Variants in STK24 observed in about 807,000 individuals in gnomAD.
The protein encoded by STK24 is serine/threonine kinase 24.
STK24 carries 21 observed loss-of-function variants against 55.6 expected under a neutral mutation model. The observed-to-expected ratio is 0.38, with a 90% CI of 0.27 to 0.54. The LOEUF is 0.54. Ranked by LOEUF, STK24 falls within the 20% of genes least tolerant of loss-of-function variation. The pLI is 0.79. For synonymous variants in STK24, 200 were observed against 215.2 expected (o/e 0.93, Z 0.62); for missense variants, 383 against 538.4 (o/e 0.71, Z 2.86).
chr13:98,537,248 C>G lies in STK24; in HGVS notation c.43-17775G>C, dbSNP rs560470992. Among the ~76,000 whole-genome samples, 4 of 152,328 alleles carry G rather than the reference C, an allele frequency of 2.6e-5. No homozygotes were observed. In the East Asian group the frequency reaches 7.7e-4, roughly 29 times the overall value. ...CATCAGGCAGTCCTCCTGGGTGAGG[C>G]TGCTGGGATGGCTAAGGACACCTGT... On this transcript the variant is annotated intron_variant, in intron 1 of 10. Coordinates refer to ENST00000539966, the MANE Select transcript of STK24 (RefSeq NM_001032296.4).
At chr13:98,569,419 A>C (rs561808486) in intron 1 of STK24, among the ~76,000 whole-genome samples, 17 of 143,712 alleles carry the variant, frequency 1.2e-4, no homozygotes, top group Admixed American at 7.5e-4. Flanking sequence ...GAGACAAAAA[A>C]AAAAAAACAA....
At chr13:98,576,178 G>A in intron 1 of STK24, 1 of 985,382 alleles carries the variant, frequency 1.0e-6, no homozygotes, top group Non-Finnish European at 1.2e-6. Context: ...TCCGGGCAAA[G>A]CCACTGCAAG....
intron 1 of STK24, among the ~76,000 whole-genome samples, chr13:98,544,898 G>A (rs188930884): frequency 1.3e-5 from 2 of 152,082 alleles, no homozygotes; most frequent in Non-Finnish European, 2.9e-5. Context: ...GCAGCAAAAA[G>A]TAGAAAACAA....
Position 98,448,118 on chromosome 13 carries a change from T to G in STK24, c.*5055A>C. ...CTGTTCCCTTGCTCTTCTGCTGAAGTGGCAGATTACCAACCAGGCGGCCTG... is the reference window on the plus strand; with the variant it reads ...CTGTTCCCTTGCTCTTCTGCTGAAGGGGCAGATTACCAACCAGGCGGCCTG... On this transcript the variant is annotated 3_prime_UTR_variant, in exon 11 of 11. Transcript: ENST00000539966. The G allele has an allele frequency of 1.2e-6, 1 of 805,406 alleles. No individual in the cohort carries two copies. Among genetic ancestry groups the G allele is most frequent in the Non-Finnish European group, 2.1e-6 (1 of 465,362 alleles). 49.9% of individuals were successfully genotyped at this position (805,406 alleles called of 1,614,324 possible). A position where few individuals can be genotyped will look rare whatever the true frequency, so the allele number is the denominator to read the frequency against.
At chr13:98,537,735 G>C (rs995165665) in intron 1 of STK24, among the ~76,000 whole-genome samples, 2 of 152,138 alleles carry the variant, frequency 1.3e-5, no homozygotes, top group Non-Finnish European at 2.9e-5. Flanking sequence ...TCAGTGTAGT[G>C]CAGGGGCTGA....
chr13:98,478,916 A>G lies in STK24; in HGVS notation c.330+3349T>C, dbSNP rs1268329012. On this transcript the variant is annotated intron_variant, in intron 3 of 10. Coordinates refer to ENST00000539966, the MANE Select transcript of STK24 (RefSeq NM_001032296.4). ...CCTCGCCTGCATTGTTTTCCTTGTAAGGAAGGAACCTTCTAACAAACGGTG... is the reference window on the plus strand; with the variant it reads ...CCTCGCCTGCATTGTTTTCCTTGTAGGGAAGGAACCTTCTAACAAACGGTG... Among the ~76,000 whole-genome samples, 4 of 152,090 alleles carry G rather than the reference A, an allele frequency of 2.6e-5. No individual in the cohort carries two copies. The East Asian group carries it at 7.7e-4, about 29-fold the overall frequency.
chr13:98,520,171 G>A (rs532041204), intron 1 of STK24, among the ~76,000 whole-genome samples: 180 of 140,548 alleles, frequency 1.3e-3, no homozygotes, highest in African/African-American at 3.8e-3. Flanking sequence ...CAGCTACACA[G>A]TACAGAGTCG....
intron 1 of STK24, among the ~76,000 whole-genome samples, chr13:98,538,159 T>A (rs1439510743): frequency 6.6e-6 from 1 of 151,088 alleles, no homozygotes; most frequent in Non-Finnish European, 1.5e-5. Context: ...ATGCTAAGCT[T>A]CAGGTTTTAG....
Position 98,471,428 on chromosome 13 carries a change from A to T in STK24, c.597+3393T>A, listed in dbSNP as rs375439651. ...GTTCTTCAGCCCAAGACCTTTCTCT[A>T]GTGTTGAAACCGGAGGCTTCTTCGC... On this transcript the variant is annotated intron_variant, in intron 5 of 10. Coordinates refer to ENST00000539966, the MANE Select transcript of STK24 (RefSeq NM_001032296.4). Among the ~76,000 whole-genome samples the T allele has an allele frequency of 3.9e-5, 6 of 152,210 alleles. No homozygotes were observed. In the South Asian group the frequency reaches 1.2e-3, roughly 31 times the overall value.
At position 98,446,916 on chromosome 13, in the gene STK24, C is replaced by A. The variant is rs1358715042; in HGVS notation, c.*6257G>T. 4.6e-6 allele frequency: 6 copies of A among 1,303,238 alleles called. No homozygotes were observed. In the African/African-American group the frequency reaches 7.3e-5, roughly 16 times the overall value. The allele number at this position is 1,303,238 out of a possible 1,614,324, so 80.7% of individuals were successfully genotyped here. A position where few individuals can be genotyped will look rare whatever the true frequency, so the allele number is the denominator to read the frequency against. On this transcript the variant is annotated 3_prime_UTR_variant, in exon 11 of 11. Coordinates refer to ENST00000539966, the MANE Select transcript of STK24 (RefSeq NM_001032296.4). The stretch of plus-strand genomic sequence containing the variant: ...AGTCAGCGAGTGAGATGGCCCCACC[C>A]TTCCCTGCCAACTAAGCGTTTAGAC...
intron 1 of STK24, among the ~76,000 whole-genome samples, chr13:98,569,513 G>T (rs1160879186): frequency 6.6e-6 from 1 of 152,110 alleles, no homozygotes; most frequent in Admixed American, 6.5e-5. Flanking sequence ...GAGGATGGGG[G>T]TGGCACAAGA....
chr13:98,516,872 C>T (rs748799563), intron 2 of STK24, among the ~76,000 whole-genome samples: 3 of 152,134 alleles, frequency 2.0e-5, no homozygotes, highest in African/African-American at 4.8e-5. Flanking sequence ...AACAAAATAC[C>T]GGGGCAACCT....
chr13:98,461,665 A>T, intron 8 of STK24, 109 bp downstream of exon 8: 1 of 1,479,804 alleles, frequency 6.8e-7, no homozygotes, highest in Non-Finnish European at 9.3e-7. Context: ...ATTCCAGGAC[A>T]GCTGCCACAA....
At chr13:98,570,862 T>A (rs1897720301) in intron 1 of STK24, among the ~76,000 whole-genome samples, 2 of 152,198 alleles carry the variant, frequency 1.3e-5, no homozygotes, top group South Asian at 4.1e-4. Flanking sequence ...GGGAAATGAC[T>A]GCTACAAACT....
chr13:98,552,656 T>C lies in STK24; in HGVS notation c.42+24089A>G, dbSNP rs371362401. On this transcript the variant is annotated intron_variant, in intron 1 of 10. Coordinates refer to ENST00000539966, the MANE Select transcript of STK24 (RefSeq NM_001032296.4). ...GTCCAGGGTGGCTACCGAGGGCGCC[T>C]TGAGAACCCCAAGGGCAGGCAGCTT... is the stretch of plus-strand genomic sequence containing the variant. Among the ~76,000 whole-genome samples, 63 of 152,068 alleles carry C rather than the reference T, an allele frequency of 4.1e-4. No individual in the cohort carries two copies. In the East Asian group the frequency reaches 0.01, roughly 24 times the overall value.
intron 2 of STK24, among the ~76,000 whole-genome samples, chr13:98,496,023 T>C (rs1895240270): frequency 6.6e-6 from 1 of 152,242 alleles, no homozygotes; most frequent in African/African-American, 2.4e-5. Flanking sequence ...TGTGCCAGAC[T>C]GATCAGGGAG....
In STK24 at chr13:98,448,888, A is replaced by G. The variant is rs1396109681; in HGVS notation, c.*4285T>C. ...CTGATTAATAAGCAATTTGCAGCACACAGCGTTCCACTGCGGGGTTTCACG... is the reference window on the plus strand; with the variant it reads ...CTGATTAATAAGCAATTTGCAGCACGCAGCGTTCCACTGCGGGGTTTCACG... On this transcript the variant is annotated 3_prime_UTR_variant, in exon 11 of 11. Transcript: ENST00000539966. 6.6e-6 allele frequency: 1 copy of G among 152,268 alleles called. No homozygotes were observed. Among genetic ancestry groups the G allele is most frequent in the African/African-American group, 2.4e-5 (1 of 41,430 alleles). 9.4% of individuals were successfully genotyped at this position (152,268 alleles called of 1,614,324 possible).
intron 2 of STK24, among the ~76,000 whole-genome samples, chr13:98,508,164 G>T (rs1289787879): frequency 3.5e-5 from 5 of 144,758 alleles, no homozygotes; most frequent in Admixed American, 1.4e-4. Flanking sequence ...AAAGCTAATA[G>T]AAGAAAAAAA....
chr13:98,460,281 C>T, intron 9 of STK24, 91 bp downstream of exon 9: 1 of 1,229,270 alleles, frequency 8.1e-7, no homozygotes, highest in Non-Finnish European at 1.2e-6. Context: ...TTAATGTCCC[C>T]AACTCTTAAC....
Sources: allele counts gnomAD v4.1 joint callset (sites outside exome capture counted in the v4.1 genomes callset), GRCh38; gene constraint gnomAD v4.1.1; transcripts MANE v1.5; gene names NCBI Gene and HGNC (gene_info 2026-07-23, HGNC 2026-07-21).